OSBPL10: variants seen among roughly 807,000 people sequenced by gnomAD.
OSBPL10 encodes the protein oxysterol-binding protein-related protein 10.
In OSBPL10, 49 loss-of-function variants were observed where a neutral mutation model predicts 81.7. The observed-to-expected ratio is 0.60, with a 90% CI of 0.48 to 0.76. The LOEUF (loss-of-function observed/expected upper bound fraction) is 0.76, where lower values mean the gene tolerates loss of function less well. OSBPL10 is among the 30% of genes least tolerant of loss of function. The probability of loss-of-function intolerance (pLI) is 0.00; values close to 1 mark genes in which losing one functional copy is unlikely to be tolerated. For missense variants in OSBPL10, 923 were observed against 987.8 expected (o/e 0.93, Z 0.88); for synonymous variants, 419 against 383.6 (o/e 1.09, Z -1.08).
intron 2 of OSBPL10, among the ~76,000 whole-genome samples, chr3:32,034,003 C>T (rs978765311): frequency 2.0e-5 from 3 of 152,158 alleles, no homozygotes; most frequent in Admixed American, 2.0e-4. Context: ...AGGAAACTTA[C>T]AATCATGGCG....
At chr3:31,910,488 T>A (rs181427443) in intron 1 of OSBPL10, among the ~76,000 whole-genome samples, 43 of 152,014 alleles carry the variant, frequency 2.8e-4, no homozygotes, top group African/African-American at 1.0e-3. Flanking sequence ...ACAAAGTTAT[T>A]AGCCAGGCTT....
chr3:31,787,438 T>G (rs1698887409), intron 4 of OSBPL10, among the ~76,000 whole-genome samples: 1 of 151,952 alleles, frequency 6.6e-6, no homozygotes, highest in African/African-American at 2.4e-5. Flanking sequence ...CTACTAAAAC[T>G]ACTAAAATTA....
chr3:31,900,724 A>T (rs1332878777), intron 1 of OSBPL10, among the ~76,000 whole-genome samples: 1 of 152,252 alleles, frequency 6.6e-6, no homozygotes, highest in Non-Finnish European at 1.5e-5. Flanking sequence ...TGGATGTTAT[A>T]GGTATTGAGG....
intron 1 of OSBPL10, among the ~76,000 whole-genome samples, chr3:31,896,855 G>A (rs572365374): frequency 6.6e-6 from 1 of 152,170 alleles, no homozygotes; most frequent in East Asian, 1.9e-4. Context: ...TGGAGGGAGG[G>A]GAGGAAAGGC....
intron 1 of OSBPL10, among the ~76,000 whole-genome samples, chr3:31,961,566 T>C (rs1698162789): frequency 3.9e-5 from 6 of 152,068 alleles, no homozygotes; most frequent in Admixed American, 3.9e-4. Flanking sequence ...GGGAGGGGGC[T>C]GGGCTAATTA....
intron 3 of OSBPL10, among the ~76,000 whole-genome samples, chr3:31,876,207 GATT>G (rs1701464833): frequency 6.6e-6 from 1 of 152,146 alleles, no homozygotes; most frequent in Admixed American, 6.5e-5. Context: ...TGTCTTTCCA[GATT>G]CGGTTCCCAT....
chr3:31,979,424 C>G (rs1386809503), intron 1 of OSBPL10, among the ~76,000 whole-genome samples: 3 of 152,164 alleles, frequency 2.0e-5, no homozygotes, highest in Admixed American at 2.0e-4. Context: ...AGTTGAGTTT[C>G]GTGCAGATAA....
chr3:31,886,469 C>A (rs943975190), intron 1 of OSBPL10, among the ~76,000 whole-genome samples: 2 of 152,154 alleles, frequency 1.3e-5, no homozygotes, highest in Admixed American at 1.3e-4. Flanking sequence ...CCTAGCTGAC[C>A]GCAGCTTCAT....
intron 7 of OSBPL10, 79 bp downstream of exon 7, chr3:31,702,280 G>T: frequency 6.6e-7 from 1 of 1,505,022 alleles, no homozygotes; most frequent in South Asian, 1.2e-5. Context: ...ACAACGAAAA[G>T]AATGTGCATA....
At chr3:31,988,722 G>A (rs2125518624) in intron 2 of OSBPL10, 1 of 276,720 alleles carries the variant, frequency 3.6e-6, no homozygotes, top group Middle Eastern at 1.2e-3. Flanking sequence ...GATAGCCCAG[G>A]CAGGAGGCAT....
At chr3:31,889,023 C>T (rs1488639001) in intron 1 of OSBPL10, among the ~76,000 whole-genome samples, 1 of 152,016 alleles carries the variant, frequency 6.6e-6, no homozygotes, top group Non-Finnish European at 1.5e-5. Flanking sequence ...AAAGGATATA[C>T]AAATGTCCAA....
chr3:31,856,379 A>G (rs6786826), intron 3 of OSBPL10, among the ~76,000 whole-genome samples: 107,083 of 152,078 alleles, frequency 0.7, 38,425 homozygotes, highest in East Asian at 0.88. Context: ...GTACCCAAAA[A>G]GTAATTATCT....
chr3:31,835,280 A>C (rs890883762), intron 3 of OSBPL10, among the ~76,000 whole-genome samples: 2 of 152,202 alleles, frequency 1.3e-5, no homozygotes, highest in Non-Finnish European at 2.9e-5. Context: ...AATTAATCCA[A>C]TCTACATGGG....
chr3:31,685,389 G>A (rs1700765505), intron 7 of OSBPL10, among the ~76,000 whole-genome samples: 1 of 152,112 alleles, frequency 6.6e-6, no homozygotes, highest in Admixed American at 6.6e-5. Flanking sequence ...TTTTAGTAGA[G>A]ACAAGGTCTC....
chr3:32,014,764 C>G (rs941527384), intron 2 of OSBPL10, among the ~76,000 whole-genome samples: 10 of 152,186 alleles, frequency 6.6e-5, no homozygotes, highest in Non-Finnish European at 1.2e-4. Flanking sequence ...GATACAAAAT[C>G]CATGTGTAAA....
chr3:31,934,439 C>T (rs535683453), intron 1 of OSBPL10, among the ~76,000 whole-genome samples: 4 of 146,106 alleles, frequency 2.7e-5, no homozygotes, highest in South Asian at 2.1e-4. Flanking sequence ...GACAAAGTCT[C>T]GCTCTGGCGC....
At chr3:31,705,372 A>C (rs1407493216) in intron 6 of OSBPL10, among the ~76,000 whole-genome samples, 91 of 130,586 alleles carry the variant, frequency 7.0e-4, no homozygotes, top group Admixed American at 1.4e-3. Flanking sequence ...CAAAGAGAAG[A>C]CCCCCCCCCC....
At chr3:32,034,930 A>T (rs546637048) in intron 2 of OSBPL10, among the ~76,000 whole-genome samples, 2 of 152,250 alleles carry the variant, frequency 1.3e-5, no homozygotes, top group Non-Finnish European at 2.9e-5. Flanking sequence ...GAGCTGAGAA[A>T]AAGAAGTTAT....
intron 6 of OSBPL10, among the ~76,000 whole-genome samples, chr3:31,713,220 C>T (rs1696322797): frequency 6.6e-6 from 1 of 152,134 alleles, no homozygotes; most frequent in Admixed American, 6.5e-5. Flanking sequence ...GACTTCTCTA[C>T]TCTTCTCTTG....
Sources: allele counts gnomAD v4.1 joint callset (sites outside exome capture counted in the v4.1 genomes callset), GRCh38; gene constraint gnomAD v4.1.1; transcripts MANE v1.5; gene names NCBI Gene and HGNC (gene_info 2026-07-23, HGNC 2026-07-21).